EXOC4: variants seen among roughly 807,000 people sequenced by gnomAD.
The protein encoded by EXOC4 is SEC8-like 1.
In EXOC4, 71 loss-of-function variants were observed where a neutral mutation model predicts 107.2. The observed-to-expected ratio is 0.66, with a 90% confidence interval of 0.55 to 0.81. EXOC4 has a LOEUF of 0.81. EXOC4 is among the 30% of genes least tolerant of loss of function. The pLI is 0.00. For missense variants in EXOC4, 1,108 were observed against 1,189.6 expected, an observed-to-expected ratio of 0.93 and a Z score of 1.01; for synonymous variants, 456 against 441.2, an observed-to-expected ratio of 1.03 and a Z score of -0.42.
chr7:133,905,998 GT>G (rs1799556766), intron 12 of EXOC4, among the ~76,000 whole-genome samples: 1 of 152,200 alleles, frequency 6.6e-6, no homozygotes, highest in Admixed American at 6.5e-5. Flanking sequence ...TGGGAGAAAG[GT>G]TGAGAAATCA....
At chr7:133,721,024 C>G (rs1288912419) in intron 10 of EXOC4, among the ~76,000 whole-genome samples, 1 of 152,158 alleles carries the variant, frequency 6.6e-6, no homozygotes, top group East Asian at 1.9e-4. Context: ...TTCTGGTAGA[C>G]TTGCTCTTGA....
chr7:133,556,364 C>T (rs1305059565), intron 9 of EXOC4, among the ~76,000 whole-genome samples: 2 of 152,082 alleles, frequency 1.3e-5, no homozygotes, highest in African/African-American at 2.4e-5. Flanking sequence ...GTTAAGTCTT[C>T]TTCTTTTGAA....
At chr7:133,820,265 A>C (rs1384926018) in intron 11 of EXOC4, among the ~76,000 whole-genome samples, 1 of 146,850 alleles carries the variant, frequency 6.8e-6, no homozygotes, top group East Asian at 2.0e-4. Context: ...AAGTTTGTTT[A>C]ATATTCTCAG....
intron 11 of EXOC4, among the ~76,000 whole-genome samples, chr7:133,851,090 A>G (rs537261628): frequency 1.3e-5 from 2 of 152,326 alleles, no homozygotes; most frequent in East Asian, 1.9e-4. Flanking sequence ...TGTCAAGCAC[A>G]CATGTTTAAC....
intron 14 of EXOC4, among the ~76,000 whole-genome samples, chr7:133,996,086 G>T (rs924112571): frequency 1.3e-5 from 2 of 152,176 alleles, no homozygotes; most frequent in Non-Finnish European, 2.9e-5. Context: ...GTATATGGTT[G>T]CTACAGCAAC....
intron 6 of EXOC4, among the ~76,000 whole-genome samples, chr7:133,364,118 G>A (rs982144087): frequency 9.2e-5 from 14 of 151,886 alleles, no homozygotes; most frequent in Non-Finnish European, 4.4e-5. Context: ...GGGCACATAC[G>A]AAATGCCTAC....
intron 14 of EXOC4, among the ~76,000 whole-genome samples, chr7:133,990,451 T>G (rs1450935363): frequency 6.6e-6 from 1 of 152,122 alleles, no homozygotes; most frequent in East Asian, 1.9e-4. Context: ...AGGATTTTAT[T>G]CTTTTTGTTT....
rs549763451 is a variant in EXOC4, at chr7:133,994,275, C to T, written c.2207-3217C>T. ...TGATGGTTTCCAGCTTCATCGATGT[C>T]CCTGCAAAGGACATGAACTCATTCT... On this transcript the variant is annotated intron_variant, in intron 14 of 17. Coordinates refer to ENST00000253861, the MANE Select transcript of EXOC4 (RefSeq NM_021807.4). Among the ~76,000 whole-genome samples the T allele has an allele frequency of 2.4e-4, 36 of 152,304 alleles. No individual in the cohort carries two copies. The South Asian group carries it at 7.3e-3, about 31-fold the overall frequency.
chr7:133,698,997 A>G (rs1343385479), intron 10 of EXOC4, among the ~76,000 whole-genome samples: 1 of 152,188 alleles, frequency 6.6e-6, no homozygotes, highest in Non-Finnish European at 1.5e-5. Flanking sequence ...GCTTTCTAGA[A>G]GTAATGTTAT....
At chr7:133,941,058 C>T (rs1401566818) in intron 14 of EXOC4, among the ~76,000 whole-genome samples, 3 of 150,678 alleles carry the variant, frequency 2.0e-5, no homozygotes, top group Non-Finnish European at 4.4e-5. Flanking sequence ...CATGCAGTGG[C>T]GCGATCTCGG....
chr7:133,743,660 C>CG (rs954069153), intron 10 of EXOC4, among the ~76,000 whole-genome samples: 4 of 152,066 alleles, frequency 2.6e-5, no homozygotes, highest in Admixed American at 6.6e-5. Context: ...TCAAAACCCC[C>CG]CCATGGTTGC....
At chr7:133,425,538 C>T (rs1453978881) in intron 7 of EXOC4, among the ~76,000 whole-genome samples, 1 of 152,146 alleles carries the variant, frequency 6.6e-6, no homozygotes, top group Non-Finnish European at 1.5e-5. Flanking sequence ...CCACCCGCCT[C>T]AGCCTCCCAA....
intron 1 of EXOC4, among the ~76,000 whole-genome samples, chr7:133,271,296 A>G (rs992918365): frequency 1.3e-5 from 2 of 152,110 alleles, no homozygotes; most frequent in Non-Finnish European, 1.5e-5. Flanking sequence ...TGTCTGAGAC[A>G]TTGTATTTCT....
At chr7:133,331,387 G>A (rs943647354) in intron 5 of EXOC4, among the ~76,000 whole-genome samples, 1 of 151,470 alleles carries the variant, frequency 6.6e-6, no homozygotes, top group Non-Finnish European at 1.5e-5. Flanking sequence ...TTGCATAAGG[G>A]GAATCCAATG....
intron 10 of EXOC4, among the ~76,000 whole-genome samples, chr7:133,694,191 G>A (rs1037532001): frequency 4.0e-5 from 6 of 150,540 alleles, no homozygotes; most frequent in Non-Finnish European, 5.9e-5. Flanking sequence ...AACCCGGGAG[G>A]CAGAGATTAC....
chr7:133,947,745 C>G (rs1021398784), intron 14 of EXOC4, among the ~76,000 whole-genome samples: 1 of 152,118 alleles, frequency 6.6e-6, no homozygotes, highest in African/African-American at 2.4e-5. Flanking sequence ...AAGTACTTGC[C>G]CATAAAAAAT....
intron 15 of EXOC4, among the ~76,000 whole-genome samples, chr7:133,998,651 C>T (rs1243947057): frequency 6.6e-6 from 1 of 152,116 alleles, no homozygotes; most frequent in Non-Finnish European, 1.5e-5. Flanking sequence ...TGAAGCCTGA[C>T]ACATTACAGG....
intron 1 of EXOC4, among the ~76,000 whole-genome samples, chr7:133,271,634 T>C (rs116985476): frequency 6.6e-6 from 1 of 152,278 alleles, no homozygotes; most frequent in Non-Finnish European, 1.5e-5. Flanking sequence ...TCGGAGTTCT[T>C]CTCCAGGAGC....
chr7:133,985,058 G>A (rs1410131094), intron 14 of EXOC4, among the ~76,000 whole-genome samples: 2 of 152,100 alleles, frequency 1.3e-5, no homozygotes, highest in South Asian at 2.1e-4. Flanking sequence ...ATTAAGCTGG[G>A]CAGTGAATGG....
Sources: gnomAD v4.1 joint callset for allele counts (sites outside exome capture counted in the v4.1 genomes callset) on GRCh38, gnomAD v4.1.1 for gene constraint, MANE v1.5 for transcripts, NCBI Gene and HGNC (gene_info 2026-07-23, HGNC 2026-07-21) for gene names.